Variants in CACNA1A observed in about 807,000 individuals in gnomAD.
CACNA1A encodes voltage-dependent P/Q-type calcium channel subunit alpha-1A.
A neutral mutation model predicts 262.4 loss-of-function variants in CACNA1A; 57 were observed. The observed-to-expected ratio is 0.22, with a 90% CI of 0.18 to 0.27. The LOEUF is 0.27. CACNA1A is among the 10% of genes least tolerant of loss of function. CACNA1A has a pLI of 1.00. For missense variants in CACNA1A, 2,526 were observed against 3,562.8 expected (o/e 0.71, Z 7.41); for synonymous variants, 1,431 against 1,419.3 (o/e 1.01, Z -0.18).
intron 2 of CACNA1A, 75 bp from the exon 3 acceptor site, chr19:13,453,090 A>C: frequency 6.7e-7 from 1 of 1,488,536 alleles, no homozygotes; most frequent in Non-Finnish European, 9.4e-7. Context: ...CAGCCCACCT[A>C]GAAATCAGTA....
At chr19:13,406,686 G>A (rs1324889739) in intron 3 of CACNA1A, among the ~76,000 whole-genome samples, 1 of 150,262 alleles carries the variant, frequency 6.7e-6, no homozygotes, top group Non-Finnish European at 1.5e-5. Flanking sequence ...CAGAGAGGGT[G>A]GGTGGGCATC....
chr19:13,389,380 G>A (rs977883784), intron 3 of CACNA1A, among the ~76,000 whole-genome samples: 5 of 152,020 alleles, frequency 3.3e-5, no homozygotes, highest in Admixed American at 2.0e-4. Context: ...AAGCATTCTC[G>A]TACCTGCCCC....
intron 36 of CACNA1A, chr19:13,227,799 A>G (rs1201752628): frequency 4.7e-6 from 1 of 214,438 alleles, no homozygotes; most frequent in Admixed American, 5.8e-5. Flanking sequence ...AGAAAAGAGA[A>G]AAGTCAGATT....
chr19:13,306,251 C>T (rs543925103), intron 15 of CACNA1A, among the ~76,000 whole-genome samples: 3 of 152,294 alleles, frequency 2.0e-5, no homozygotes, highest in Admixed American at 2.0e-4. Flanking sequence ...CTGAAGGTCC[C>T]GGCTGGGCCA....
chr19:13,297,802 C>A (rs1282581948), intron 19 of CACNA1A, among the ~76,000 whole-genome samples: 2 of 151,790 alleles, frequency 1.3e-5, no homozygotes, highest in African/African-American at 4.8e-5. Context: ...CAGGCGAGAC[C>A]CTGTGTCAAA....
intron 19 of CACNA1A, among the ~76,000 whole-genome samples, chr19:13,292,634 A>G (rs1004345799): frequency 6.6e-6 from 1 of 152,094 alleles, no homozygotes; most frequent in Non-Finnish European, 1.5e-5. Context: ...AAAATTATCA[A>G]TATGCTGGAG....
intron 1 of CACNA1A, among the ~76,000 whole-genome samples, chr19:13,502,321 G>A (rs1200730339): frequency 2.0e-5 from 3 of 152,300 alleles, no homozygotes; most frequent in East Asian, 1.9e-4. Flanking sequence ...GCAACTGTGC[G>A]TGATAATACA....
Position 13,350,860 on chromosome 19 carries a change from G to A in CACNA1A, c.978+8746C>T, listed in dbSNP as rs770935959. ...TCTACCAAAAAAATACAATTAGCTG[G>A]GCATGATGGTATGTGCTTACAGCCC... On this transcript the variant is annotated intron_variant, in intron 6 of 46. Transcript: ENST00000360228. Among the ~76,000 whole-genome samples the A allele has an allele frequency of 1.2e-3, 176 of 152,212 alleles. 2 individuals carry two copies. Among genetic ancestry groups the A allele is most frequent in the African/African-American group, 3.3e-3 (137 of 41,532 alleles).
At position 13,207,629 on chromosome 19, in the gene CACNA1A, G is replaced by A. The variant is rs1256559154; in HGVS notation, c.7205C>T (p.Pro2402Leu). ...ASGPHVSEGP[P>L]GPRHHGYYRG... The stretch of plus-strand genomic sequence containing the variant: ...GTAGTAGCCATGGTGCCGGGGACCC[G>A]GGGGCCCCTCGGACACGTGCGGGCC... The change falls in exon 47 of 47, where the codon CCG (proline) becomes CTG (leucine). Residue 2402 changes from proline (P) to leucine (L), a missense_variant. Coordinates refer to ENST00000360228, the MANE Select transcript of CACNA1A (RefSeq NM_001127222.2). This position sits in a 1 kb window ranked among gnomAD's most constrained non-coding sequence, Gnocchi z 5.7. 2.7e-6 allele frequency: 4 copies of A among 1,475,320 alleles called. No homozygotes were observed. Among genetic ancestry groups the A allele is most frequent in the Non-Finnish European group, 3.6e-6 (4 of 1,113,424 alleles). The allele number at this position is 1,475,320 out of a possible 1,614,324, so 91.4% of individuals were successfully genotyped here. A position where few individuals can be genotyped will look rare whatever the true frequency, so the allele number is the denominator to read the frequency against.
intron 23 of CACNA1A, among the ~76,000 whole-genome samples, chr19:13,276,509 C>T (rs1187527806): frequency 6.6e-6 from 1 of 152,150 alleles, no homozygotes; most frequent in Non-Finnish European, 1.5e-5. Flanking sequence ...TGATCCCCGG[C>T]ACAAGGTGCC....
rs1164678494 is a variant in CACNA1A, at chr19:13,469,460, C to CTTTTTT, written c.294-14254_294-14249dup. On this transcript the variant is annotated intron_variant, in intron 1 of 46. Coordinates refer to ENST00000360228, the MANE Select transcript of CACNA1A (RefSeq NM_001127222.2). ...CCAGCATCCTTGTCTTGAACCACCT[C>CTTTTTT]TTTTTTTTTTTTTTTTTTTTTTTTT... Among the ~76,000 whole-genome samples the CTTTTTT allele has an allele frequency of 4.7e-4, 29 of 62,230 alleles. 1 individual carries two copies. Among genetic ancestry groups the CTTTTTT allele is most frequent in the Admixed American group, 1.0e-3 (5 of 5,020 alleles). 40.8% of individuals were successfully genotyped at this position (62,230 alleles called of 152,430 possible).
At chr19:13,481,569 C>G (rs562355260) in intron 1 of CACNA1A, among the ~76,000 whole-genome samples, 1 of 152,092 alleles carries the variant, frequency 6.6e-6, no homozygotes, top group Non-Finnish European at 1.5e-5. Context: ...TTGTTACAGC[C>G]GCTGGGCTGA....
chr19:13,233,681 G>C (rs1010788380), intron 34 of CACNA1A, among the ~76,000 whole-genome samples: 2 of 151,918 alleles, frequency 1.3e-5, no homozygotes, highest in African/African-American at 4.8e-5. Context: ...TGTAGAGACG[G>C]GGTCTCACTA....
At chr19:13,483,619 T>C (rs1282123824) in intron 1 of CACNA1A, among the ~76,000 whole-genome samples, 3 of 152,060 alleles carry the variant, frequency 2.0e-5, no homozygotes, top group Admixed American at 1.3e-4. Context: ...CTGAATATGG[T>C]CTTGGGCAGA....
chr19:13,298,133 CTT>C (rs3050873), intron 19 of CACNA1A, among the ~76,000 whole-genome samples: 11 of 113,010 alleles, frequency 9.7e-5, no homozygotes, highest in Admixed American at 8.9e-5. Flanking sequence ...AAATACAGCA[CTT>C]TTTTTTTTTT....
chr19:13,206,449 C>T lies in CACNA1A; in HGVS notation c.*864G>A, dbSNP rs930674219. On this transcript the variant is annotated 3_prime_UTR_variant, in exon 47 of 47. Transcript: ENST00000360228. ...ACTCCTATCCAAAAGCCCTTTGATT[C>T]AACTTTTTTTTATTTTTTTTTTCTT... The T allele has an allele frequency of 6.6e-6, 1 of 152,108 alleles. No homozygotes were observed. The highest frequency in any genetic ancestry group is 2.4e-5 in the African/African-American group (1 of 41,356). The allele number at this position is 152,108 out of a possible 1,614,324, so 9.4% of individuals were successfully genotyped here.
chr19:13,209,361 G>T lies in CACNA1A; in HGVS notation c.6477C>A (p.Ser2159Arg). Residue 2159 changes from serine to arginine, a missense_variant, in exon 45 of 47, where the codon AGC (serine) becomes AGA (arginine). Physicochemically the swap from Ser to Arg is moderately radical, Grantham distance 110 (BLOSUM62 -1). Coordinates refer to ENST00000360228, the MANE Select transcript of CACNA1A (RefSeq NM_001127222.2). ...CCAGGGAGCGCTCAGAGGCGCGGTG[G>T]CTGCGGTCGCGGCGCCGCTGGTGGT... Reference protein sequence around the residue: ...QRHHQRRRDRSHRASERSLGR... With the variant: ...QRHHQRRRDRRHRASERSLGR... 7.2e-7 allele frequency: 1 copy of T among 1,389,586 alleles called. No individual in the cohort carries two copies. The allele number at this position is 1,389,586 out of a possible 1,614,324, so 86.1% of individuals were successfully genotyped here. A position where few individuals can be genotyped will look rare whatever the true frequency, so the allele number is the denominator to read the frequency against.
Position 13,283,363 on chromosome 19 carries a change from C to G in CACNA1A, c.3726G>C (p.Leu1242=). ...LRRLCHYILN[L]RYFEMCILMV... is the part of the protein sequence containing the mutation. ...TGAGGATGCACATCTCAAAGTAGCGCAGGTTCAGGATGTAATGGCACAGGC... is the reference window on the plus strand; with the variant it reads ...TGAGGATGCACATCTCAAAGTAGCGGAGGTTCAGGATGTAATGGCACAGGC... Residue 1242 remains leucine, a synonymous_variant, in exon 22 of 47, where the codon CTG becomes CTC. Coordinates refer to ENST00000360228, the MANE Select transcript of CACNA1A (RefSeq NM_001127222.2). 6.2e-7 allele frequency: 1 copy of G among 1,613,970 alleles called. No homozygotes were observed. Among genetic ancestry groups the G allele is most frequent in the Non-Finnish European group, 8.5e-7 (1 of 1,179,884 alleles).
At chr19:13,258,135 G>T (rs936419963) in intron 27 of CACNA1A, 1 of 152,232 alleles carries the variant, frequency 6.6e-6, no homozygotes, top group Non-Finnish European at 1.5e-5. Context: ...AACCCTCCCA[G>T]GGAGGTTATT....
Sources: allele counts gnomAD v4.1 joint callset (sites outside exome capture counted in the v4.1 genomes callset), GRCh38; gene constraint gnomAD v4.1.1; non-coding constraint Gnocchi (gnomAD v3.1); transcripts MANE v1.5; gene names NCBI Gene and HGNC (gene_info 2026-07-23, HGNC 2026-07-21).